SLC25A53: variants seen among roughly 807,000 people sequenced by gnomAD.
The protein encoded by SLC25A53 is mitochondrial carrier triple repeat protein 6.
In SLC25A53, 5 loss-of-function variants were observed where a neutral mutation model predicts 15.0. That is an observed-to-expected ratio of 0.33 (90% CI 0.17 to 0.70). The LOEUF (loss-of-function observed/expected upper bound fraction) is 0.70, where lower values mean the gene tolerates loss of function less well. Ranked by LOEUF, SLC25A53 falls within the 30% of genes least tolerant of loss-of-function variation. SLC25A53 has a pLI of 0.67. For missense variants in SLC25A53, 216 were observed against 241.6 expected (o/e 0.89, Z 0.70); for synonymous variants, 95 against 100.0 (o/e 0.95, Z 0.30).
At chrX:104,139,656 A>T (rs1556367160) in intron 1 of SLC25A53, among the ~76,000 whole-genome samples, 1 of 111,221 alleles carries the variant, frequency 9.0e-6, no homozygotes, top group African/African-American at 3.3e-5. Flanking sequence ...TCTACTAAAA[A>T]TACAAAAATT....
chrX:104,114,368 T>C (rs782326734), intron 1 of SLC25A53: 3 of 1,211,137 alleles, frequency 2.5e-6, no homozygotes, highest in East Asian at 5.9e-5. Context: ...CTCAAGCGCT[T>C]GATGAAAACA....
intron 1 of SLC25A53, among the ~76,000 whole-genome samples, chrX:104,121,390 C>G (rs1308624430): frequency 8.9e-6 from 1 of 111,788 alleles, no homozygotes; most frequent in Non-Finnish European, 1.9e-5. Flanking sequence ...CATCCTTATT[C>G]ACATACAGGT....
intron 1 of SLC25A53, among the ~76,000 whole-genome samples, chrX:104,146,383 T>C (rs2075466902): frequency 8.9e-6 from 1 of 111,884 alleles, no homozygotes; most frequent in African/African-American, 3.3e-5. Context: ...GCATTCCCTT[T>C]GAAAACCAGC....
At chrX:104,154,109 G>A (rs1421275527) in intron 1 of SLC25A53, among the ~76,000 whole-genome samples, 5 of 112,304 alleles carry the variant, frequency 4.5e-5, no homozygotes, top group African/African-American at 6.5e-5. Flanking sequence ...AGGTGTTAAT[G>A]TCCAAAATAT....
chrX:104,141,644 C>T (rs886606419), intron 1 of SLC25A53, among the ~76,000 whole-genome samples: 1 of 111,569 alleles, frequency 9.0e-6, no homozygotes, highest in Non-Finnish European at 1.9e-5. Flanking sequence ...GTCACCCAGG[C>T]TGGAGTGATC....
chrX:104,115,437 C>T (rs1225073516), intron 1 of SLC25A53: 28 of 766,130 alleles, frequency 3.7e-5, no homozygotes, highest in Non-Finnish European at 4.8e-5. Context: ...AAGCAGTTTT[C>T]CTTTGGGAAG....
In SLC25A53 at chrX:104,154,422, G is replaced by A. The variant is rs551986920; in HGVS notation, c.-32+2456C>T. ...TACAGCCATTATGGAAAACTGTATG[G>A]AGGTTCCTCAAAAAACTAAAAATAG... is the stretch of plus-strand genomic sequence containing the variant. On this transcript the variant is annotated intron_variant, in intron 1 of 1. Transcript: ENST00000594199. Among the ~76,000 whole-genome samples the A allele has an allele frequency of 6.2e-5, 7 of 112,199 alleles. No homozygotes were observed. In the South Asian group the frequency reaches 2.6e-3, roughly 41 times the overall value.
chrX:104,115,733 T>A (rs782104752), intron 1 of SLC25A53: 1 of 145,426 alleles, frequency 6.9e-6, no homozygotes, highest in African/African-American at 3.2e-5. Context: ...CAGATAGATA[T>A]ATGTATAGAT....
chrX:104,153,158 C>T (rs1345523369), intron 1 of SLC25A53, among the ~76,000 whole-genome samples: 1 of 110,751 alleles, frequency 9.0e-6, no homozygotes, highest in Non-Finnish European at 1.9e-5. Context: ...CCTTGCATAG[C>T]AACAGGAATA....
At chrX:104,151,018 C>T (rs1208790316) in intron 1 of SLC25A53, among the ~76,000 whole-genome samples, 4 of 111,757 alleles carry the variant, frequency 3.6e-5, no homozygotes, top group East Asian at 5.6e-4. Context: ...GTCAGACTTT[C>T]GATTTGGCTC....
chrX:104,113,078 G>A (rs1407429571), intron 1 of SLC25A53: 1 of 109,660 alleles, frequency 9.1e-6, no homozygotes, highest in Non-Finnish European at 1.9e-5. Context: ...GGTGGCAAGG[G>A]GCGGGAGGAG....
At chrX:104,139,541 T>C (rs7050709) in intron 1 of SLC25A53, among the ~76,000 whole-genome samples, 5,130 of 108,657 alleles carry the variant, frequency 0.047, 266 homozygotes, top group African/African-American at 0.16. Context: ...ATAGGCTGGG[T>C]GCAGTGGCTC....
intron 1 of SLC25A53, among the ~76,000 whole-genome samples, chrX:104,117,090 C>T (rs2075379574): frequency 1.0e-5 from 1 of 100,474 alleles, no homozygotes; most frequent in African/African-American, 3.8e-5. Context: ...CCATCTGTAT[C>T]CTCAGTCTCA....
intron 1 of SLC25A53, among the ~76,000 whole-genome samples, chrX:104,155,037 A>G (rs2075496260): frequency 8.9e-6 from 1 of 112,302 alleles, no homozygotes; most frequent in Non-Finnish European, 1.9e-5. Context: ...AAATTATACA[A>G]ATATAAAAAT....
rs143893825 is a variant in SLC25A53, at chrX:104,108,473, C to A, written c.-31-3185G>T. 5.4e-5 allele frequency among the ~76,000 whole-genome samples: 6 copies of A among 111,305 alleles called. No individual in the cohort carries two copies. The East Asian group carries it at 1.7e-3, about 31-fold the overall frequency. Reference sequence around the variant, plus strand: ...TGGATGCTCTCGGGACAGCCATAACCAGATACAGGGGCATTTGGGAACAAA... The same window carrying A: ...TGGATGCTCTCGGGACAGCCATAACAAGATACAGGGGCATTTGGGAACAAA... On this transcript the variant is annotated intron_variant, in intron 1 of 1. Coordinates refer to ENST00000594199, the MANE Select transcript of SLC25A53 (RefSeq NM_001012755.5).
intron 1 of SLC25A53, among the ~76,000 whole-genome samples, chrX:104,110,776 A>C (rs146714279): frequency 0.018 from 2,025 of 112,041 alleles, 35 homozygotes; most frequent in African/African-American, 0.041. Context: ...AAGGAGAAGT[A>C]CCCTGAAGAG....
rs782748001 is a variant in SLC25A53 at position 104,104,287 on chromosome X, C to G, written c.*47G>C. On this transcript the variant is annotated 3_prime_UTR_variant, in exon 2 of 2. Transcript: ENST00000594199. ...AAGAAGTAAGCTATATAGAACCAACCAGGGAAGATTTAGAATAACAAAGCT... is the reference window on the plus strand; with the variant it reads ...AAGAAGTAAGCTATATAGAACCAACGAGGGAAGATTTAGAATAACAAAGCT... 164 of 1,154,323 alleles carry G rather than the reference C, an allele frequency of 1.4e-4. No individual in the cohort carries two copies. The highest frequency in any genetic ancestry group is 1.6e-4 in the Non-Finnish European group (136 of 853,503).
chrX:104,139,963 A>G (rs896156121), intron 1 of SLC25A53, among the ~76,000 whole-genome samples: 2 of 113,406 alleles, frequency 1.8e-5, no homozygotes, highest in Non-Finnish European at 3.7e-5. Context: ...CCTGTGAAGC[A>G]GGTAGATATT....
chrX:104,152,422 G>T (rs184870428), intron 1 of SLC25A53, among the ~76,000 whole-genome samples: 1 of 109,148 alleles, frequency 9.2e-6, no homozygotes, highest in Non-Finnish European at 1.9e-5. Flanking sequence ...ATTTTTTATG[G>T]CTGCATAGTA....
Sources: gnomAD v4.1 joint callset for allele counts (sites outside exome capture counted in the v4.1 genomes callset) on GRCh38, gnomAD v4.1.1 for gene constraint, MANE v1.5 for transcripts, NCBI Gene and HGNC (gene_info 2026-07-23, HGNC 2026-07-21) for gene names.